The following MBOAT7 variants were observed in gnomAD, a reference collection of about 807,000 sequenced individuals.
The protein encoded by MBOAT7 is membrane-bound acylglycerophosphatidylinositol O-acyltransferase MBOAT7.
Under a neutral mutation model 47.4 loss-of-function variants are expected in MBOAT7, and 40 were observed. That is an observed-to-expected ratio of 0.84 (90% confidence interval 0.66 to 1.10). The LOEUF (loss-of-function observed/expected upper bound fraction) is 1.10, where lower values mean the gene tolerates loss of function less well. MBOAT7 is among the 50% of genes least tolerant of loss of function. The pLI is 0.00. For synonymous variants in MBOAT7, 361 were observed against 292.0 expected (o/e 1.24, Z -2.41); for missense variants, 680 against 655.6 (o/e 1.04, Z -0.41).
Position 54,181,141 on chromosome 19 carries a change from G to T in MBOAT7, c.494-8C>A, listed in dbSNP as rs1275677830. On this transcript the variant is annotated splice_region_variant and splice_polypyrimidine_tract_variant and intron_variant, in intron 5 of 7. Transcript: ENST00000245615. The stretch of plus-strand genomic sequence containing the variant: ...GGTAGCGGAAGAACGGGCCTGTGGG[G>T]CGGGGAGGGAGGGCCGCGGTCAGAC... The T allele has an allele frequency of 6.8e-7, 1 of 1,461,434 alleles. No homozygotes were observed. 90.5% of individuals were successfully genotyped at this position (1,461,434 alleles called of 1,614,324 possible).
At chr19:54,187,093 G>A in intron 4 of MBOAT7, 68 bp downstream of exon 4, 2 of 1,497,438 alleles carry the variant, frequency 1.3e-6, no homozygotes, top group Non-Finnish European at 1.8e-6. Context: ...CACTGAAGGG[G>A]GAGGTAAAGT....
At chr19:54,174,587 C>T (rs1459580676) in intron 7 of MBOAT7, among the ~76,000 whole-genome samples, 156 bp from the exon 8 acceptor site, 1 of 151,326 alleles carries the variant, frequency 6.6e-6, no homozygotes, top group African/African-American at 2.4e-5. Context: ...CAGACCCCAC[C>T]CCTTCCTCCC....
In MBOAT7 at chr19:54,187,275, G is replaced by A; in HGVS notation, c.219C>T (p.Ala73=). Residue 73 remains alanine, a synonymous_variant, in exon 4 of 8, where the codon GCC becomes GCT. Coordinates refer to ENST00000245615, the MANE Select transcript of MBOAT7 (RefSeq NM_024298.5). The part of the protein sequence containing the change: ...LIQAQPCSCH[A]LALAWTFSYL... ...AGGAGAAAGTCCAGGCCAGAGCCAG[G>A]GCGTGGCAGGAGCTGGGCAAAAGCA... 1 of 1,610,050 alleles carries A rather than the reference G, an allele frequency of 6.2e-7. No individual in the cohort carries two copies. The highest frequency in any genetic ancestry group is 1.3e-5 in the African/African-American group (1 of 75,016).
chr19:54,177,698 T>G (rs2076146356), intron 7 of MBOAT7, among the ~76,000 whole-genome samples: 1 of 152,028 alleles, frequency 6.6e-6, no homozygotes, highest in South Asian at 2.1e-4. Flanking sequence ...TGCCTCAGCC[T>G]CCCTAGTAGC....
intron 7 of MBOAT7, among the ~76,000 whole-genome samples, chr19:54,175,575 T>C (rs968892657): frequency 1.4e-4 from 21 of 152,144 alleles, no homozygotes; most frequent in African/African-American, 3.1e-4. Context: ...CTCACTCTTT[T>C]TATTTTTTTG....
intron 7 of MBOAT7, among the ~76,000 whole-genome samples, chr19:54,175,692 G>C (rs906049102): frequency 6.6e-6 from 1 of 152,190 alleles, no homozygotes; most frequent in African/African-American, 2.4e-5. Context: ...TGGGATTACA[G>C]GCAAGCGCCA....
rs2076264543 is a variant in MBOAT7, at chr19:54,181,299, T to C, written c.494-166A>G. On this transcript the variant is annotated intron_variant, in intron 5 of 7. Coordinates refer to ENST00000245615, the MANE Select transcript of MBOAT7 (RefSeq NM_024298.5). ...GGGTAGGGACTGAGACCCTGAGAGATGGGGATAAGGAACGAGAGACAGGGG... is the reference window on the plus strand; with the variant it reads ...GGGTAGGGACTGAGACCCTGAGAGACGGGGATAAGGAACGAGAGACAGGGG... Among the ~76,000 whole-genome samples, 3 of 150,674 alleles carry C rather than the reference T, an allele frequency of 2.0e-5. No homozygotes were observed. In the South Asian group the frequency reaches 6.3e-4, roughly 32 times the overall value.
At chr19:54,188,096 A>C (rs1459272122) in intron 3 of MBOAT7, 121 bp downstream of exon 3, 1 of 893,842 alleles carries the variant, frequency 1.1e-6, no homozygotes, top group Non-Finnish European at 1.7e-6. Flanking sequence ...GAAACAGAGA[A>C]ATGAGCTGAT....
chr19:54,178,775 A>AG lies in MBOAT7; in HGVS notation c.1020dup (p.Tyr341LeufsTer68). 6.2e-7 allele frequency: 1 copy of AG among 1,613,408 alleles called. No homozygotes were observed. Among genetic ancestry groups the AG allele is most frequent in the South Asian group, 1.1e-5 (1 of 91,086 alleles). On this transcript the variant is annotated frameshift_variant, in exon 7 of 8. Transcript: ENST00000245615. LOFTEE classifies it high-confidence loss of function. ...GGCGGGCTCACTCACCGCAGGACAT[A>AG]GGAACGGGCAGGTGCGCTCTTGTAG...
intron 6 of MBOAT7, chr19:54,179,289 G>A: frequency 2.9e-6 from 1 of 345,086 alleles, no homozygotes; most frequent in Non-Finnish European, 5.3e-6. Flanking sequence ...CGCCAAGGAT[G>A]GTCCCTTCTA....
At chr19:54,181,241 A>G in intron 5 of MBOAT7, 108 bp from the exon 6 acceptor site, 2 of 1,351,488 alleles carry the variant, frequency 1.5e-6, no homozygotes, top group Non-Finnish European at 1.9e-6. Context: ...AGGGAGTGAG[A>G]GGGGCAGAGA....
At chr19:54,182,592 GA>G (rs1277615278) in intron 5 of MBOAT7, among the ~76,000 whole-genome samples, 2 of 150,420 alleles carry the variant, frequency 1.3e-5, no homozygotes, top group African/African-American at 4.9e-5. Context: ...GCTGTTATTG[GA>G]AAAAAAACCT....
intron 3 of MBOAT7, 37 bp downstream of exon 3, chr19:54,188,180 C>G: frequency 6.4e-7 from 1 of 1,556,832 alleles, no homozygotes; most frequent in Non-Finnish European, 8.7e-7. Context: ...TCCCCCTCTC[C>G]CCTCCTCTCC....
At chr19:54,187,948 G>A (rs989066149) in intron 3 of MBOAT7, among the ~76,000 whole-genome samples, 6 of 150,162 alleles carry the variant, frequency 4.0e-5, no homozygotes, top group African/African-American at 1.5e-4. Flanking sequence ...CCGGGAGGTG[G>A]AGGTTGCAGT....
At chr19:54,175,396 C>T (rs1044804114) in intron 7 of MBOAT7, among the ~76,000 whole-genome samples, 16 of 152,236 alleles carry the variant, frequency 1.1e-4, no homozygotes, top group Admixed American at 2.6e-4. Context: ...GGGTGGGGCC[C>T]AGGAGAAGTC....
At chr19:54,186,982 G>A (rs1396466871) in intron 4 of MBOAT7, 179 bp downstream of exon 4, 1 of 739,564 alleles carries the variant, frequency 1.4e-6, no homozygotes, top group Non-Finnish European at 2.1e-6. Flanking sequence ...GGGAGGTGAA[G>A]ACCTGCCCAA....
intron 3 of MBOAT7, among the ~76,000 whole-genome samples, chr19:54,188,015 C>CGAAAGAAA (rs2076481318): frequency 1.3e-5 from 1 of 78,328 alleles, no homozygotes; most frequent in African/African-American, 5.3e-5. Flanking sequence ...AACTCCATCT[C>CGAAAGAAA]AGAAAGAAAG....
chr19:54,188,041 G>GA (rs1442204994), intron 3 of MBOAT7, among the ~76,000 whole-genome samples, 176 bp downstream of exon 3: 3 of 147,924 alleles, frequency 2.0e-5, no homozygotes, highest in African/African-American at 7.7e-5. Flanking sequence ...AAGAAAGAAA[G>GA]AAAGAAAGAA....
At chr19:54,178,733 A>G (rs1022553858) in intron 7 of MBOAT7, 32 bp downstream of exon 7, 1 of 1,608,538 alleles carries the variant, frequency 6.2e-7, no homozygotes, top group African/African-American at 1.3e-5. Context: ...GTAGTTCTGC[A>G]GTGTCACCTG....
Sources: gnomAD v4.1 joint callset for allele counts (sites outside exome capture counted in the v4.1 genomes callset) on GRCh38, gnomAD v4.1.1 for gene constraint, MANE v1.5 for transcripts, NCBI Gene and HGNC (gene_info 2026-07-23, HGNC 2026-07-21) for gene names.